Variants in STPG2 observed in about 807,000 individuals in gnomAD.
STPG2 encodes the protein sperm tail PG-rich repeat containing 2.
In STPG2, 56 loss-of-function variants were observed where a neutral mutation model predicts 54.2. The ratio of observed to expected loss-of-function variants is 1.03; its 90% confidence interval spans 0.83 to 1.29. The LOEUF is 1.29. Ranked by LOEUF, STPG2 falls within the 50% of genes most tolerant of loss-of-function variation. The probability of loss-of-function intolerance (pLI) is 0.00; values close to 1 mark genes in which losing one functional copy is unlikely to be tolerated. For missense variants in STPG2, 596 were observed against 544.9 expected (o/e 1.09, Z -0.93); for synonymous variants, 200 against 181.8 (o/e 1.10, Z -0.81).
At chr4:97,455,414 G>A (rs1301654387) in intron 4 of STPG2, among the ~76,000 whole-genome samples, 3 of 151,842 alleles carry the variant, frequency 2.0e-5, no homozygotes, top group East Asian at 1.9e-4. Context: ...AGACACAAGC[G>A]GCTGGATGTC....
chr4:97,767,744 C>A (rs541634545), intron 9 of STPG2, among the ~76,000 whole-genome samples: 1 of 152,218 alleles, frequency 6.6e-6, no homozygotes, highest in Admixed American at 6.5e-5. Context: ...GATAAGCCCA[C>A]ACAAAAATTA....
intron 10 of STPG2, among the ~76,000 whole-genome samples, chr4:97,584,513 G>T (rs990938495): frequency 2.0e-5 from 3 of 151,716 alleles, no homozygotes; most frequent in Non-Finnish European, 4.4e-5. Context: ...CCCAGCAAAA[G>T]AAAAGAAATA....
intron 8 of STPG2, among the ~76,000 whole-genome samples, chr4:97,855,177 C>T (rs1003026275): frequency 5.3e-5 from 8 of 152,092 alleles, no homozygotes; most frequent in East Asian, 1.9e-4. Context: ...GCTGATTCCA[C>T]GTCTTTGCTA....
intron 8 of STPG2, among the ~76,000 whole-genome samples, chr4:97,943,167 C>T (rs1049915505): frequency 6.6e-6 from 1 of 152,098 alleles, no homozygotes; most frequent in African/African-American, 2.4e-5. Context: ...TATAAGAGTA[C>T]TAATCCTATT....
At position 97,564,354 on chromosome 4, in the gene STPG2, T is replaced by C. The variant is rs530107120; in HGVS notation, c.1321-5237A>G. Reference sequence around the variant, plus strand: ...CTGCATGTGAGATGGGTTTCCTGAATACAGCACACTGATGGGTCTTGACTC... The same window carrying C: ...CTGCATGTGAGATGGGTTTCCTGAACACAGCACACTGATGGGTCTTGACTC... On this transcript the variant is annotated intron_variant, in intron 10 of 10. Coordinates refer to ENST00000295268, the MANE Select transcript of STPG2 (RefSeq NM_174952.3). 4.1e-3 allele frequency among the ~76,000 whole-genome samples: 630 copies of C among 152,332 alleles called. 3 individuals carry two copies. Among genetic ancestry groups the C allele is most frequent in the South Asian group, 0.02 (98 of 4,828 alleles).
intron 4 of STPG2, among the ~76,000 whole-genome samples, chr4:97,535,209 TTTTTG>T (rs1158147457): frequency 2.0e-5 from 3 of 152,172 alleles, no homozygotes; most frequent in Non-Finnish European, 2.9e-5. Flanking sequence ...CTGCCGACTG[TTTTTG>T]TTAAGTGGCT....
intron 8 of STPG2, among the ~76,000 whole-genome samples, chr4:97,864,823 C>T (rs1316594115): frequency 1.3e-5 from 2 of 152,026 alleles, no homozygotes; most frequent in Non-Finnish European, 1.5e-5. Context: ...ACAAACCTGA[C>T]ACAAACAAGA....
At chr4:97,939,660 T>C (rs1732901212) in intron 8 of STPG2, among the ~76,000 whole-genome samples, 1 of 152,232 alleles carries the variant, frequency 6.6e-6, no homozygotes. Context: ...TTGACAGATT[T>C]TCCTCCATCC....
intron 4 of STPG2, among the ~76,000 whole-genome samples, chr4:97,529,791 T>C (rs933620561): frequency 6.6e-6 from 1 of 151,996 alleles, no homozygotes; most frequent in Non-Finnish European, 1.5e-5. Flanking sequence ...GTTCTGGCAA[T>C]AGCTGGTCTC....
intron 10 of STPG2, among the ~76,000 whole-genome samples, chr4:97,562,766 C>G (rs1432254404): frequency 6.6e-6 from 1 of 152,020 alleles, no homozygotes; most frequent in Admixed American, 6.6e-5. Context: ...GTATATTGAA[C>G]CAGCCTTGCA....
chr4:97,976,600 A>T (rs1428054854), intron 6 of STPG2, among the ~76,000 whole-genome samples: 1 of 152,156 alleles, frequency 6.6e-6, no homozygotes, highest in Non-Finnish European at 1.5e-5. Context: ...TTATAGTAGT[A>T]ACTTGCAAAC....
chr4:97,610,794 T>C (rs529432394), intron 10 of STPG2, among the ~76,000 whole-genome samples: 1 of 152,064 alleles, frequency 6.6e-6, no homozygotes, highest in Admixed American at 6.6e-5. Flanking sequence ...AATACGACTA[T>C]TTCCATTAAA....
intron 4 of STPG2, among the ~76,000 whole-genome samples, chr4:97,520,038 C>T (rs536832112): frequency 7.8e-4 from 118 of 152,002 alleles, no homozygotes; most frequent in African/African-American, 2.8e-3. Flanking sequence ...TATCAGGATG[C>T]TAGAAAATTA....
chr4:97,719,097 T>TTG (rs935421065), intron 9 of STPG2, among the ~76,000 whole-genome samples: 1 of 152,078 alleles, frequency 6.6e-6, no homozygotes, highest in African/African-American at 2.4e-5. Context: ...CTGAAACTCT[T>TTG]CTGGTCTCAA....
chr4:97,879,057 G>A (rs1403794738), intron 8 of STPG2, among the ~76,000 whole-genome samples: 2 of 152,142 alleles, frequency 1.3e-5, no homozygotes, highest in South Asian at 2.1e-4. Context: ...CTAAAACATA[G>A]CAAGAGTCAC....
chr4:97,684,473 A>G (rs1195573217), intron 10 of STPG2, among the ~76,000 whole-genome samples: 1 of 152,012 alleles, frequency 6.6e-6, no homozygotes, highest in Non-Finnish European at 1.5e-5. Context: ...AAAACATTTC[A>G]GTGGAGACAG....
intron 8 of STPG2, among the ~76,000 whole-genome samples, chr4:97,868,395 T>G (rs1729868623): frequency 6.6e-6 from 1 of 151,846 alleles, no homozygotes; most frequent in South Asian, 2.1e-4. Context: ...ACTTGCGTAT[T>G]TTTATCACAG....
intron 10 of STPG2, among the ~76,000 whole-genome samples, chr4:97,705,881 G>T (rs1363184037): frequency 6.6e-6 from 1 of 151,552 alleles, no homozygotes; most frequent in Non-Finnish European, 1.5e-5. Context: ...ATGAAACAAA[G>T]GTAACAGTAA....
chr4:97,908,970 C>G (rs1472154327), intron 8 of STPG2, among the ~76,000 whole-genome samples: 3 of 150,404 alleles, frequency 2.0e-5, no homozygotes, highest in Non-Finnish European at 3.0e-5. Flanking sequence ...ACATATGTAA[C>G]TAACCTGCAC....
Sources: gnomAD v4.1 joint callset for allele counts (sites outside exome capture counted in the v4.1 genomes callset) on GRCh38, gnomAD v4.1.1 for gene constraint, MANE v1.5 for transcripts, NCBI Gene and HGNC (gene_info 2026-07-23, HGNC 2026-07-21) for gene names.